LIPM: variants seen among roughly 807,000 people sequenced by gnomAD.
The protein encoded by LIPM is lipase family member M.
In LIPM, 42 loss-of-function variants were observed where a neutral mutation model predicts 42.4. The observed-to-expected ratio is 0.99, with a 90% CI of 0.77 to 1.28. The LOEUF (loss-of-function observed/expected upper bound fraction) is 1.28. Among genes scored for constraint, LIPM ranks in the 50% most tolerant of loss-of-function variants. The pLI is 0.00. For missense variants in LIPM, 524 were observed against 520.1 expected, an observed-to-expected ratio of 1.01 and a Z score of -0.07; for synonymous variants, 177 against 173.3, an observed-to-expected ratio of 1.02 and a Z score of -0.17.
At chr10:88,811,350 A>G (rs1420436492) in intron 2 of LIPM, among the ~76,000 whole-genome samples, 2 of 152,214 alleles carry the variant, frequency 1.3e-5, no homozygotes, top group African/African-American at 2.4e-5. Context: ...TATAACAATA[A>G]TAATGAAAGC....
intron 2 of LIPM, among the ~76,000 whole-genome samples, chr10:88,809,596 G>A (rs1486360017): frequency 6.6e-6 from 1 of 152,126 alleles, no homozygotes; most frequent in Non-Finnish European, 1.5e-5. Context: ...TGCCCAAAAC[G>A]TCTGTGCTAG....
At chr10:88,805,927 A>G (rs768664718) in intron 1 of LIPM, 1 of 456,232 alleles carries the variant, frequency 2.2e-6, no homozygotes, top group South Asian at 1.6e-5. Flanking sequence ...CAACTCCATG[A>G]GGAGCTATGG....
intron 2 of LIPM, among the ~76,000 whole-genome samples, chr10:88,811,245 T>G (rs948421175): frequency 1.3e-5 from 2 of 152,216 alleles, no homozygotes; most frequent in African/African-American, 4.8e-5. Context: ...GTACCGCATT[T>G]AACCCTCCCC....
chr10:88,818,493 A>G (rs1449624991), intron 8 of LIPM, among the ~76,000 whole-genome samples: 2 of 152,252 alleles, frequency 1.3e-5, no homozygotes, highest in African/African-American at 4.8e-5. Context: ...TACATTACCC[A>G]AGAAAATATG....
intron 7 of LIPM, among the ~76,000 whole-genome samples, chr10:88,817,500 T>C (rs899027673): frequency 3.9e-5 from 6 of 152,200 alleles, no homozygotes; most frequent in African/African-American, 1.4e-4. Context: ...GATCACCACA[T>C]TGCACAATTC....
chr10:88,808,110 C>T (rs1843610134), intron 1 of LIPM, among the ~76,000 whole-genome samples, 188 bp from the exon 2 acceptor site: 1 of 152,096 alleles, frequency 6.6e-6, no homozygotes, highest in Non-Finnish European at 1.5e-5. Context: ...TTCCGGTTTC[C>T]ATATTAAGAC....
intron 2 of LIPM, among the ~76,000 whole-genome samples, chr10:88,811,269 T>A (rs1459255691): frequency 1.3e-5 from 2 of 152,194 alleles, no homozygotes; most frequent in East Asian, 3.9e-4. Flanking sequence ...CAAAACCCTG[T>A]GAGGTGGGCA....
chr10:88,807,627 T>C (rs1405708687), intron 1 of LIPM, among the ~76,000 whole-genome samples: 1 of 148,520 alleles, frequency 6.7e-6, no homozygotes, highest in East Asian at 1.9e-4. Context: ...CAAAACCATG[T>C]TTTTGTATCC....
At chr10:88,810,162 G>A (rs904533152) in intron 2 of LIPM, among the ~76,000 whole-genome samples, 4 of 152,172 alleles carry the variant, frequency 2.6e-5, no homozygotes, top group Admixed American at 1.3e-4. Context: ...CTAAATGAGT[G>A]CTGAGCACAT....
chr10:88,811,109 T>C (rs573462731), intron 2 of LIPM, among the ~76,000 whole-genome samples: 1 of 121,570 alleles, frequency 8.2e-6, no homozygotes, highest in Non-Finnish European at 1.7e-5. Flanking sequence ...GCTGGATGAG[T>C]TTGGTGTAGA....
At position 88,803,031 on chromosome 10, in the gene LIPM, A is replaced by T. The variant is rs1216304505; in HGVS notation, c.135A>T (p.Ala45=). 1.6e-5 allele frequency: 25 copies of T among 1,550,422 alleles called. No individual in the cohort carries two copies. In the Admixed American group the frequency reaches 4.9e-4, roughly 31 times the overall value. Residue 45 remains alanine (A), a synonymous_variant, in exon 1 of 9, where the codon GCA becomes GCT. Transcript: ENST00000404743. ...CAACTAAAGCTGTGGACCCAGAAGC[A>T]TTCATGAATATTGTAAGTTGGGATT... ...HMPTKAVDPE[A]FMNISEIIQH...
At chr10:88,803,171 C>A (rs1030092188) in intron 1 of LIPM, 128 bp downstream of exon 1, 10 of 1,033,376 alleles carry the variant, frequency 9.7e-6, no homozygotes, top group Non-Finnish European at 2.7e-6. Flanking sequence ...GATGAAGTAG[C>A]AAATTGTACT....
At chr10:88,815,269 TC>T (rs1448917730) in intron 5 of LIPM, 45 bp downstream of exon 5, 1 of 1,547,656 alleles carries the variant, frequency 6.5e-7, no homozygotes, top group East Asian at 2.4e-5. Context: ...AGAAAAATCT[TC>T]CAGCCCAATT....
chr10:88,811,384 G>A (rs1843654808), intron 2 of LIPM, among the ~76,000 whole-genome samples: 1 of 152,092 alleles, frequency 6.6e-6, no homozygotes, highest in Non-Finnish European at 1.5e-5. Context: ...TTTACTGCAG[G>A]CTTCTTCTGA....
chr10:88,807,486 A>G (rs1843603367), intron 1 of LIPM, among the ~76,000 whole-genome samples: 1 of 152,198 alleles, frequency 6.6e-6, no homozygotes, highest in Admixed American at 6.6e-5. Flanking sequence ...AATAGTGAGG[A>G]TGCTTAGAAG....
At position 88,803,733 on chromosome 10, in the gene LIPM, T is replaced by A. The variant is rs974646551; in HGVS notation, c.147+690T>A. 2.0e-5 allele frequency among the ~76,000 whole-genome samples: 3 copies of A among 149,846 alleles called. No homozygotes were observed. In the Admixed American group the frequency reaches 2.0e-4, roughly 10 times the overall value. On this transcript the variant is annotated intron_variant, in intron 1 of 8. Transcript: ENST00000404743. Reference sequence around the variant, plus strand: ...GGGATTATGACACAAGCAGAGATACTATTCTATTTCAATTTCATTGCCCTG... The same window carrying A: ...GGGATTATGACACAAGCAGAGATACAATTCTATTTCAATTTCATTGCCCTG...
rs1282834729 is a variant in LIPM at position 88,820,466 on chromosome 10, A to G, written c.1237A>G (p.Asn413Asp). 2 of 1,551,728 alleles carry G rather than the reference A, an allele frequency of 1.3e-6. No homozygotes were observed. The highest frequency in any genetic ancestry group is 1.7e-6 in the Non-Finnish European group (2 of 1,147,022). Residue 413 changes from asparagine (N) to aspartate (D), a missense_variant, in exon 9 of 9, where the codon AAC becomes GAC. Physicochemically the swap from Asn to Asp is conservative, Grantham distance 23. Coordinates refer to ENST00000404743, the MANE Select transcript of LIPM (RefSeq NM_001128215.1). The part of the protein sequence containing the change: ...IIHLMQQEET[N>D]LSQGRCEAVL ...CCATCTGATGCAGCAGGAGGAGACC[A>G]ACCTTTCCCAGGGACGGTGTGAGGC...
intron 2 of LIPM, among the ~76,000 whole-genome samples, chr10:88,811,569 C>T (rs1564596767): frequency 6.6e-6 from 1 of 152,122 alleles, no homozygotes; most frequent in Non-Finnish European, 1.5e-5. Flanking sequence ...TATTAGAATT[C>T]TTAAAACCCT....
chr10:88,817,074 G>T (rs1001795641), intron 7 of LIPM, among the ~76,000 whole-genome samples, 187 bp downstream of exon 7: 1 of 152,218 alleles, frequency 6.6e-6, no homozygotes, highest in African/African-American at 2.4e-5. Flanking sequence ...GAAATGGGAA[G>T]AAAGGACAGA....
Sources: gnomAD v4.1 joint callset for allele counts (sites outside exome capture counted in the v4.1 genomes callset) on GRCh38, gnomAD v4.1.1 for gene constraint, MANE v1.5 for transcripts, NCBI Gene and HGNC (gene_info 2026-07-23, HGNC 2026-07-21) for gene names.